The following RNASEH1 variants were observed in gnomAD, a reference collection of about 807,000 sequenced individuals.
RNASEH1 encodes ribonuclease H1, also known as ribonuclease H type II.
A neutral mutation model predicts 34.6 loss-of-function variants in RNASEH1; 27 were observed. That is an observed-to-expected ratio of 0.78 (90% confidence interval 0.58 to 1.08). The LOEUF is 1.08. Ranked by LOEUF, RNASEH1 falls within the 50% of genes least tolerant of loss-of-function variation. The pLI is 0.00. For synonymous variants in RNASEH1, 162 were observed against 138.4 expected, an observed-to-expected ratio of 1.17 and a Z score of -1.20; for missense variants, 349 against 373.6, an observed-to-expected ratio of 0.93 and a Z score of 0.54.
intron 2 of RNASEH1, 114 bp from the exon 3 acceptor site, chr2:3,552,422 CCT>C (rs151141402): frequency 4.0e-6 from 4 of 992,864 alleles, no homozygotes; most frequent in Non-Finnish European, 2.9e-6. Flanking sequence ...TTAAAAACAC[CCT>C]CTCTATGTGG....
chr2:3,532,538 G>A, the RNASEH1 span, among the ~76,000 whole-genome samples: 15 of 152,074 alleles, frequency 9.9e-5, no homozygotes, highest in African/African-American at 3.1e-4. Context: ...CTACACACCC[G>A]GGCCACGTGG....
downstream of RNASEH1, among the ~76,000 whole-genome samples, chr2:3,537,205 G>C (rs147725576): frequency 3.3e-5 from 5 of 152,270 alleles, no homozygotes; most frequent in East Asian, 9.6e-4. Flanking sequence ...TACACACACT[G>C]TGCCATGTCA....
intron 1 of RNASEH1, among the ~76,000 whole-genome samples, chr2:3,557,491 C>G (rs1660627690): frequency 6.6e-6 from 1 of 152,184 alleles, no homozygotes; most frequent in Non-Finnish European, 1.5e-5. Context: ...GATGCTTCTT[C>G]CTCAATACTG....
Sources: gnomAD v4.1 joint callset for allele counts (sites outside exome capture counted in the v4.1 genomes callset) on GRCh38, gnomAD v4.1.1 for gene constraint, MANE v1.5 for transcripts, NCBI Gene and HGNC (gene_info 2026-07-23, HGNC 2026-07-21) for gene names.